The following HDAC2 variants were observed in gnomAD, a reference collection of about 807,000 sequenced individuals.
HDAC2 encodes YY1-associated factor 1.
In HDAC2, 5 loss-of-function variants were observed where a neutral mutation model predicts 68.5. The observed-to-expected ratio is 0.07, with a 90% CI of 0.04 to 0.15. The LOEUF (loss-of-function observed/expected upper bound fraction) is 0.15. Among genes scored for constraint, HDAC2 ranks in the 10% least tolerant of loss-of-function variants. HDAC2 has a pLI of 1.00. For synonymous variants in HDAC2, 182 were observed against 191.3 expected, an observed-to-expected ratio of 0.95 and a Z score of 0.40; for missense variants, 291 against 600.8, an observed-to-expected ratio of 0.48 and a Z score of 5.39.
intron 13 of HDAC2, among the ~76,000 whole-genome samples, chr6:113,941,300 G>C (rs1282805858): frequency 6.6e-6 from 1 of 152,004 alleles, no homozygotes; most frequent in Non-Finnish European, 1.5e-5. Context: ...ACAAAATTAT[G>C]TGTGCCCAAA....
At chr6:113,954,185 T>C (rs1404678048) in intron 5 of HDAC2, among the ~76,000 whole-genome samples, 2 of 152,196 alleles carry the variant, frequency 1.3e-5, no homozygotes, top group African/African-American at 4.8e-5. Flanking sequence ...AAGGGGAAAA[T>C]GGACTTCTCA....
intron 1 of HDAC2, chr6:113,970,046 T>A (rs1776940161): frequency 6.6e-6 from 1 of 152,112 alleles, no homozygotes; most frequent in Non-Finnish European, 1.5e-5. Flanking sequence ...CCCTACCACC[T>A]CTTATTTCCT....
chr6:113,948,693 T>A (rs554786521), intron 8 of HDAC2: 3 of 313,958 alleles, frequency 9.6e-6, no homozygotes, highest in Non-Finnish European at 1.7e-5. Context: ...TAAAAAAGTA[T>A]GCATGTTTTA....
chr6:113,942,752 G>T (rs1481070241), intron 12 of HDAC2, among the ~76,000 whole-genome samples: 2 of 152,018 alleles, frequency 1.3e-5, no homozygotes, highest in East Asian at 3.8e-4. Flanking sequence ...CAGATGAAAG[G>T]TAACAGATTC....
At chr6:113,944,228 TC>T in intron 11 of HDAC2, 51 bp downstream of exon 11, 1 of 1,483,346 alleles carries the variant, frequency 6.7e-7, no homozygotes, top group Non-Finnish European at 9.4e-7. Context: ...ACTAAAACCT[TC>T]CATTTCAATT....
intron 6 of HDAC2, among the ~76,000 whole-genome samples, chr6:113,949,684 CT>C (rs1439971627): frequency 6.6e-6 from 1 of 152,178 alleles, no homozygotes; most frequent in Non-Finnish European, 1.5e-5. Flanking sequence ...CAGAATCCTT[CT>C]TGTGGTTCAC....
chr6:113,943,929 C>A (rs1776205236), intron 11 of HDAC2, among the ~76,000 whole-genome samples: 1 of 152,192 alleles, frequency 6.6e-6, no homozygotes, highest in Non-Finnish European at 1.5e-5. Flanking sequence ...ATGCTACAAT[C>A]TAACCATCAC....
Position 113,933,813 on chromosome 6 carries a change from A to G in HDAC2, c.*7245T>C, listed in dbSNP as rs1775941942. 2.0e-5 allele frequency: 3 copies of G among 151,984 alleles called. No homozygotes were observed. Among genetic ancestry groups the G allele is most frequent in the Non-Finnish European group, 2.9e-5 (2 of 67,970 alleles). The allele number at this position is 151,984 out of a possible 1,614,324, so 9.4% of individuals were successfully genotyped here. ...CACATATATACACATGTATATATAT[A>G]TATGTGTGTGTATACATATATATAG... On this transcript the variant is annotated 3_prime_UTR_variant, in exon 14 of 14. Transcript: ENST00000519065.
At chr6:113,944,597 T>G (rs747977495) in intron 10 of HDAC2, among the ~76,000 whole-genome samples, 187 bp from the exon 11 acceptor site, 19 of 152,128 alleles carry the variant, frequency 1.2e-4, no homozygotes, top group Non-Finnish European at 2.2e-4. Context: ...CTCAAACTCC[T>G]GGCAATCCTC....
intron 6 of HDAC2, among the ~76,000 whole-genome samples, chr6:113,952,922 TAGTCTATTTTATTCCAC>T (rs1233254071): frequency 6.6e-6 from 1 of 152,182 alleles, no homozygotes; most frequent in Non-Finnish European, 1.5e-5. Flanking sequence ...TAAAAAGACC[TAGTCTATTTTATTCCAC>T]CATTCTTTAC....
intron 4 of HDAC2, chr6:113,956,398 G>T: frequency 1.8e-6 from 1 of 565,326 alleles, no homozygotes; most frequent in South Asian, 2.6e-5. Context: ...AAGACAAAGG[G>T]AATGAATGAA....
At chr6:113,962,963 CAAA>C (rs796684838) in intron 1 of HDAC2, among the ~76,000 whole-genome samples, 14 of 62,612 alleles carry the variant, frequency 2.2e-4, no homozygotes, top group Admixed American at 9.1e-4. Flanking sequence ...GACTCTGTAT[CAAA>C]AAAAAAAAAA....
rs539128063 is a variant in HDAC2, at chr6:113,937,378, A to G, written c.*3680T>C. 5 of 152,354 alleles carry G rather than the reference A, an allele frequency of 3.3e-5. No individual in the cohort carries two copies. The East Asian group carries it at 7.7e-4, about 24-fold the overall frequency. 9.4% of individuals were successfully genotyped at this position (152,354 alleles called of 1,614,324 possible). ...ATGCTAGCAGCTCTGGTAGAAGGGC[A>G]AAGCTTAGATATGATGTAACTAGCT... On this transcript the variant is annotated 3_prime_UTR_variant, in exon 14 of 14. Coordinates refer to ENST00000519065, the MANE Select transcript of HDAC2 (RefSeq NM_001527.4).
intron 1 of HDAC2, among the ~76,000 whole-genome samples, chr6:113,966,850 A>T (rs541683229): frequency 6.6e-6 from 1 of 152,302 alleles, no homozygotes; most frequent in Non-Finnish European, 1.5e-5. Flanking sequence ...GTATAGGAAA[A>T]TTTCAGTCTT....
intron 6 of HDAC2, among the ~76,000 whole-genome samples, chr6:113,949,953 G>C (rs564727194): frequency 6.6e-6 from 1 of 152,110 alleles, no homozygotes; most frequent in East Asian, 1.9e-4. Flanking sequence ...GGCTAATTTT[G>C]TATCTTTAGT....
At chr6:113,948,813 A>T (rs576733796) in intron 8 of HDAC2, 166 bp downstream of exon 8, 1 of 624,246 alleles carries the variant, frequency 1.6e-6, no homozygotes, top group Admixed American at 3.4e-5. Flanking sequence ...CCATAATGAA[A>T]CAAGAATAAC....
At chr6:113,952,086 CA>C (rs1254217995) in intron 6 of HDAC2, among the ~76,000 whole-genome samples, 1 of 152,146 alleles carries the variant, frequency 6.6e-6, no homozygotes, top group Non-Finnish European at 1.5e-5. Context: ...CAGTGGTTCT[CA>C]AACTTTAAGG....
At chr6:113,970,479 C>T in intron 1 of HDAC2, 1 of 1,103,342 alleles carries the variant, frequency 9.1e-7, no homozygotes. Flanking sequence ...GCACCCCAAA[C>T]CTGCGTTGCC....
chr6:113,934,823 T>C lies in HDAC2; in HGVS notation c.*6235A>G, dbSNP rs933874080. 2 of 152,356 alleles carry C rather than the reference T, an allele frequency of 1.3e-5. No individual in the cohort carries two copies. Among genetic ancestry groups the C allele is most frequent in the Non-Finnish European group, 2.9e-5 (2 of 68,034 alleles). 9.4% of individuals were successfully genotyped at this position (152,356 alleles called of 1,614,324 possible). A position where few individuals can be genotyped will look rare whatever the true frequency, so the allele number is the denominator to read the frequency against. On this transcript the variant is annotated 3_prime_UTR_variant, in exon 14 of 14. Transcript: ENST00000519065. ...GTCCATTACATATAACACTGAACTA[T>C]ACAAGTAAATGTGTTTGACAATAAC... is the stretch of plus-strand genomic sequence containing the variant.
Sources: allele counts gnomAD v4.1 joint callset (sites outside exome capture counted in the v4.1 genomes callset), GRCh38; gene constraint gnomAD v4.1.1; transcripts MANE v1.5; gene names NCBI Gene and HGNC (gene_info 2026-07-23, HGNC 2026-07-21).